Variants in ALG8 observed in about 807,000 individuals in gnomAD.
The protein encoded by ALG8 is ALG8 alpha-1,3-glucosyltransferase, also known as dolichyl pyrophosphate Glc1Man9GlcNAc2 alpha-1,3-glucosyltransferase.
In ALG8, 48 loss-of-function variants were observed where a neutral mutation model predicts 70.2. The ratio of observed to expected loss-of-function variants is 0.68; its 90% confidence interval spans 0.54 to 0.87. ALG8 has a LOEUF of 0.87. Among genes scored for constraint, ALG8 ranks in the 40% least tolerant of loss-of-function variants. The probability of loss-of-function intolerance (pLI) is 0.00; values close to 1 mark genes in which losing one functional copy is unlikely to be tolerated. For missense variants in ALG8, 572 were observed against 608.7 expected (o/e 0.94, Z 0.64); for synonymous variants, 234 against 229.0 (o/e 1.02, Z -0.20).
At chr11:78,120,819 G>A (rs1485913870) in intron 4 of ALG8, among the ~76,000 whole-genome samples, 1 of 152,076 alleles carries the variant, frequency 6.6e-6, no homozygotes, top group Non-Finnish European at 1.5e-5. Flanking sequence ...CACAATCTCA[G>A]TACATTGTTT....
Position 78,103,988 on chromosome 11 carries a change from A to T in ALG8, c.1341T>A (p.Thr447=), listed in dbSNP as rs1383744940. The T allele has an allele frequency of 2.0e-6, 3 of 1,483,088 alleles. No homozygotes were observed. Among genetic ancestry groups the T allele is most frequent in the Non-Finnish European group, 2.8e-6 (3 of 1,065,640 alleles). 91.9% of individuals were successfully genotyped at this position (1,483,088 alleles called of 1,614,324 possible). A position where few individuals can be genotyped will look rare whatever the true frequency, so the allele number is the denominator to read the frequency against. The change falls in exon 12 of 13, where the codon ACT becomes ACA. Residue 447 remains threonine, a synonymous_variant. Transcript: ENST00000299626. ...AACATTTTTTTGATTACCTGAATAA[A>T]GTCTTCAGTGACGAAATACTATATA... The part of the protein sequence containing the change: ...FTIYSISSLK[T]LFRKEKPLFN...
chr11:78,104,307 G>C (rs1468138403), intron 11 of ALG8, 49 bp downstream of exon 11: 1 of 1,477,478 alleles, frequency 6.8e-7, no homozygotes, highest in East Asian at 2.5e-5. Context: ...GGGCCTCGAT[G>C]AAAAGGTTGT....
chr11:78,113,371 G>A (rs1860391256), intron 7 of ALG8, among the ~76,000 whole-genome samples: 2 of 151,478 alleles, frequency 1.3e-5, no homozygotes, highest in Admixed American at 6.6e-5. Context: ...ACATATACAT[G>A]TATATATATA....
chr11:78,122,648 C>A (rs906122300), intron 3 of ALG8, among the ~76,000 whole-genome samples: 2 of 152,138 alleles, frequency 1.3e-5, no homozygotes, highest in African/African-American at 4.8e-5. Flanking sequence ...GGCCTTTCAA[C>A]AATCTTTTTA....
Position 78,127,712 on chromosome 11 carries a change from C to CTTTT in ALG8, c.96-280_96-277dup, listed in dbSNP as rs1192507872. ...AGCCCAGACTTTCTCTTTTTCTTTTCTTTTTTTTTTTTTTTGAGGCGGAGT... is the reference window on the plus strand; with the variant it reads ...AGCCCAGACTTTCTCTTTTTCTTTTCTTTTTTTTTTTTTTTTTTTGAGGCGGAGT... On this transcript the variant is annotated intron_variant, in intron 1 of 12. Coordinates refer to ENST00000299626, the MANE Select transcript of ALG8 (RefSeq NM_024079.5). Among the ~76,000 whole-genome samples the CTTTT allele has an allele frequency of 0.06, 7,902 of 132,780 alleles. 876 individuals are homozygous for CTTTT. The highest frequency in any genetic ancestry group is 0.21 in the African/African-American group (7,387 of 35,408). 87.1% of individuals were successfully genotyped at this position (132,780 alleles called of 152,430 possible).
At chr11:78,112,257 G>A (rs1328837236) in intron 8 of ALG8, 11 of 310,450 alleles carry the variant, frequency 3.5e-5, no homozygotes, top group Non-Finnish European at 5.6e-5. Context: ...TCCATCCTGG[G>A]TGACAGTGAG....
chr11:78,138,705 C>T (rs1368183635), intron 1 of ALG8: 1 of 456,256 alleles, frequency 2.2e-6, no homozygotes, highest in South Asian at 1.5e-5. Context: ...ATACTGAGTA[C>T]CTACTGTATA....
intron 10 of ALG8, among the ~76,000 whole-genome samples, chr11:78,106,127 T>C (rs1169648534): frequency 6.6e-6 from 1 of 152,194 alleles, no homozygotes; most frequent in Non-Finnish European, 1.5e-5. Context: ...AATCCTTACT[T>C]TGACTAACAA....
At chr11:78,129,184 G>C (rs1016675869) in intron 1 of ALG8, among the ~76,000 whole-genome samples, 2 of 151,830 alleles carry the variant, frequency 1.3e-5, no homozygotes, top group Non-Finnish European at 2.9e-5. Context: ...ACTTTGGGAG[G>C]CTGAGGCAGG....
At chr11:78,115,810 C>G (rs1236524331) in intron 5 of ALG8, among the ~76,000 whole-genome samples, 1 of 152,244 alleles carries the variant, frequency 6.6e-6, no homozygotes, top group East Asian at 1.9e-4. Context: ...ACTGCAAACT[C>G]TCCTTTAGGA....
At chr11:78,134,636 C>A (rs990672454) in intron 1 of ALG8, among the ~76,000 whole-genome samples, 1 of 152,216 alleles carries the variant, frequency 6.6e-6, no homozygotes, top group Non-Finnish European at 1.5e-5. Flanking sequence ...TATTCTAAAT[C>A]CTTTGTTGTC....
At chr11:78,126,895 T>G (rs931362905) in intron 2 of ALG8, among the ~76,000 whole-genome samples, 8 of 152,210 alleles carry the variant, frequency 5.3e-5, no homozygotes, top group African/African-American at 1.9e-4. Flanking sequence ...CATTTTGAAG[T>G]AAGGGGATTC....
At position 78,113,861 on chromosome 11, in the gene ALG8, G is replaced by GAA. The variant is rs111652232; in HGVS notation, c.777+23_777+24dup. 5.8e-3 allele frequency: 7,198 copies of GAA among 1,234,168 alleles called. 15 individuals carry two copies. Among genetic ancestry groups the GAA allele is most frequent in the African/African-American group, 0.023 (1,058 of 46,976 alleles). 76.5% of individuals were successfully genotyped at this position (1,234,168 alleles called of 1,614,324 possible). A position where few individuals can be genotyped will look rare whatever the true frequency, so the allele number is the denominator to read the frequency against. On this transcript the variant is annotated intron_variant, in intron 7 of 12. Coordinates refer to ENST00000299626, the MANE Select transcript of ALG8 (RefSeq NM_024079.5). Reference sequence around the variant, plus strand: ...CACCAACAAAGAACATGTATTAATTGAAAAAAAAAAAAAAAAAGGCTTACC... The same window carrying GAA: ...CACCAACAAAGAACATGTATTAATTGAAAAAAAAAAAAAAAAAAAGGCTTACC...
At chr11:78,138,458 T>G (rs188106551) in intron 1 of ALG8, among the ~76,000 whole-genome samples, 7 of 151,888 alleles carry the variant, frequency 4.6e-5, no homozygotes, top group Admixed American at 4.6e-4. Flanking sequence ...CAGTTAATCA[T>G]TTTACTGAAT....
In ALG8 at chr11:78,104,368, A is replaced by G. The variant is rs781636749; in HGVS notation, c.1264T>C (p.Phe422Leu). ...TGHYSLFPLL[F>L]TAPELPIKIL... ...AGACGCTGTTTACCTGGTGCAGTGA[A>G]GAGCAGAGGAAAGAGGGAATAATGT... Residue 422 changes from phenylalanine to leucine, a missense_variant, in exon 11 of 13, where the codon TTC becomes CTC. Transcript: ENST00000299626. 2.5e-6 allele frequency: 4 copies of G among 1,593,784 alleles called. No homozygotes were observed. The East Asian group carries it at 9.0e-5, about 36-fold the overall frequency.
At chr11:78,105,428 C>A (rs544978392) in intron 10 of ALG8, among the ~76,000 whole-genome samples, 1 of 152,184 alleles carries the variant, frequency 6.6e-6, no homozygotes, top group South Asian at 2.1e-4. Context: ...TCATAAGATT[C>A]AGGTCCTAAC....
rs1339136789 is a variant in ALG8 at position 78,101,057 on chromosome 11, T to G, written c.1488A>C (p.Ser496=). The G allele has an allele frequency of 6.2e-7, 1 of 1,614,162 alleles. No individual in the cohort carries two copies. The highest frequency in any genetic ancestry group is 8.5e-7 in the Non-Finnish European group (1 of 1,180,026). The change falls in exon 13 of 13, where the codon TCA becomes TCC. Residue 496 remains serine (S), a synonymous_variant. Coordinates refer to ENST00000299626, the MANE Select transcript of ALG8 (RefSeq NM_024079.5). ...KYPFIPLLLT[S]VYCAVGITYA... ...ATGTGATGCCTACTGCACAATACAC[T>G]GAGGTTAGTAACAAAGGGATGAAGG...
At chr11:78,125,194 G>T (rs1470654363) in intron 2 of ALG8, among the ~76,000 whole-genome samples, 2 of 151,560 alleles carry the variant, frequency 1.3e-5, no homozygotes, top group Admixed American at 6.6e-5. Flanking sequence ...CACCACACCC[G>T]GCTAATTTTT....
At chr11:78,136,778 C>T (rs1476116962) in intron 1 of ALG8, among the ~76,000 whole-genome samples, 4 of 152,112 alleles carry the variant, frequency 2.6e-5, no homozygotes, top group Admixed American at 2.6e-4. Flanking sequence ...CCTTGAAAAC[C>T]TATTGTTTAG....
Sources: allele counts gnomAD v4.1 joint callset (sites outside exome capture counted in the v4.1 genomes callset), GRCh38; gene constraint gnomAD v4.1.1; transcripts MANE v1.5; gene names NCBI Gene and HGNC (gene_info 2026-07-23, HGNC 2026-07-21).